Variants in TMTC2 observed in about 807,000 individuals in gnomAD.
TMTC2 encodes the protein protein O-mannosyl-transferase TMTC2.
Under a neutral mutation model 82.4 loss-of-function variants are expected in TMTC2, and 43 were observed. The ratio of observed to expected loss-of-function variants is 0.52; its 90% CI spans 0.41 to 0.67. The LOEUF is 0.67. Ranked by LOEUF, TMTC2 falls within the 30% of genes least tolerant of loss-of-function variation. The pLI, the probability that TMTC2 is intolerant of heterozygous loss-of-function variation, is 0.00. For missense variants in TMTC2, 919 were observed against 1,012.4 expected, an observed-to-expected ratio of 0.91 and a Z score of 1.25; for synonymous variants, 408 against 381.9, an observed-to-expected ratio of 1.07 and a Z score of -0.80.
chr12:83,091,154 CTTT>C (rs1883833559), intron 11 of TMTC2, among the ~76,000 whole-genome samples: 1 of 152,060 alleles, frequency 6.6e-6, no homozygotes, highest in African/African-American at 2.4e-5. Context: ...AAATCCCCTT[CTTT>C]AACTCCCTTT....
intron 1 of TMTC2, among the ~76,000 whole-genome samples, chr12:82,749,719 TTTTC>T (rs200184395): frequency 1.1e-3 from 157 of 141,140 alleles, no homozygotes; most frequent in African/African-American, 3.9e-3. Flanking sequence ...AACTGTTTGT[TTTTC>T]TTTCTTTCTT....
chr12:82,742,782 C>T (rs1048906556), intron 1 of TMTC2, among the ~76,000 whole-genome samples: 1 of 152,160 alleles, frequency 6.6e-6, no homozygotes, highest in African/African-American at 2.4e-5. Flanking sequence ...CCTCAGCCGC[C>T]CGAAGTGCTG....
chr12:82,963,104 G>A (rs980587009), intron 4 of TMTC2, among the ~76,000 whole-genome samples: 4 of 151,946 alleles, frequency 2.6e-5, no homozygotes, highest in African/African-American at 9.7e-5. Flanking sequence ...AATCTAAACA[G>A]GATTTAGGGG....
intron 4 of TMTC2, among the ~76,000 whole-genome samples, chr12:82,932,198 G>T (rs990500720): frequency 6.6e-6 from 1 of 152,162 alleles, no homozygotes; most frequent in Admixed American, 6.5e-5. Context: ...AGGGAAAGCA[G>T]ACAGGATGAG....
chr12:83,020,142 A>G (rs978699556), intron 8 of TMTC2, among the ~76,000 whole-genome samples: 1 of 152,186 alleles, frequency 6.6e-6, no homozygotes, highest in Admixed American at 6.5e-5. Flanking sequence ...CAACTGTTAT[A>G]GGTCAAATGG....
chr12:83,061,074 C>T (rs1438826299), intron 10 of TMTC2, among the ~76,000 whole-genome samples: 1 of 151,720 alleles, frequency 6.6e-6, no homozygotes, highest in African/African-American at 2.4e-5. Flanking sequence ...CAGTTCTTTA[C>T]AGGAAGAGTC....
intron 11 of TMTC2, among the ~76,000 whole-genome samples, chr12:83,117,494 A>T (rs1884799683): frequency 6.6e-6 from 1 of 152,148 alleles, no homozygotes; most frequent in Non-Finnish European, 1.5e-5. Flanking sequence ...TTATTGAGTT[A>T]TTCTGTTTCA....
chr12:82,703,653 C>T (rs929001002), intron 1 of TMTC2, among the ~76,000 whole-genome samples: 1 of 152,180 alleles, frequency 6.6e-6, no homozygotes, highest in African/African-American at 2.4e-5. Flanking sequence ...CGTCCGCCAC[C>T]GTGCCTAGCT....
At chr12:82,801,476 T>C (rs1878995807) in intron 1 of TMTC2, among the ~76,000 whole-genome samples, 1 of 152,162 alleles carries the variant, frequency 6.6e-6, no homozygotes, top group Non-Finnish European at 1.5e-5. Context: ...TTTATTCTTT[T>C]ATCTGGCCCC....
chr12:83,087,808 A>G (rs1468252379), intron 11 of TMTC2, among the ~76,000 whole-genome samples: 3 of 152,088 alleles, frequency 2.0e-5, no homozygotes, highest in Admixed American at 2.0e-4. Flanking sequence ...ATAGAGCACA[A>G]GAGGAGATTT....
Position 83,104,410 on chromosome 12 carries a change from T to G in TMTC2, c.2332-27800T>G, listed in dbSNP as rs114963856. Among the ~76,000 whole-genome samples the G allele has an allele frequency of 3.3e-3, 503 of 152,328 alleles. 2 individuals carry two copies. Among genetic ancestry groups the G allele is most frequent in the African/African-American group, 0.012 (480 of 41,590 alleles). Reference sequence around the variant, plus strand: ...AGGCTTCTCTCTGGGCACCCAGGCTTTCTCATACATCCACTGAAATCTAGG... The same window carrying G: ...AGGCTTCTCTCTGGGCACCCAGGCTGTCTCATACATCCACTGAAATCTAGG... On this transcript the variant is annotated intron_variant, in intron 11 of 11. Transcript: ENST00000321196.
At chr12:82,845,252 A>AATATATATATATATATATATATAT (rs1555190263) in intron 1 of TMTC2, among the ~76,000 whole-genome samples, 1 of 38,806 alleles carries the variant, frequency 2.6e-5, no homozygotes, top group African/African-American at 1.0e-4. Context: ...AAAAAAAAAA[A>AATATATATATATATATATATATAT]ATATATATAT....
intron 9 of TMTC2, among the ~76,000 whole-genome samples, chr12:83,042,179 T>G (rs1881919764): frequency 6.6e-6 from 1 of 152,194 alleles, no homozygotes; most frequent in Non-Finnish European, 1.5e-5. Flanking sequence ...GACCTGGAGC[T>G]CTCCTAGGAA....
intron 9 of TMTC2, among the ~76,000 whole-genome samples, chr12:83,036,120 G>A (rs751799821): frequency 6.6e-6 from 1 of 152,038 alleles, no homozygotes; most frequent in Non-Finnish European, 1.5e-5. Flanking sequence ...ATTGATAATG[G>A]TGACATAATT....
chr12:82,913,549 T>C (rs1161439092), intron 3 of TMTC2, among the ~76,000 whole-genome samples: 1 of 152,224 alleles, frequency 6.6e-6, no homozygotes, highest in Non-Finnish European at 1.5e-5. Flanking sequence ...GAATAGAATA[T>C]ATGGCTTTAT....
At chr12:82,992,239 C>T (rs1356481721) in intron 8 of TMTC2, among the ~76,000 whole-genome samples, 1 of 152,098 alleles carries the variant, frequency 6.6e-6, no homozygotes, top group Non-Finnish European at 1.5e-5. Context: ...GGGCCTTTTG[C>T]TATTATTATT....
At chr12:82,711,829 T>C (rs1873634010) in intron 1 of TMTC2, among the ~76,000 whole-genome samples, 1 of 152,196 alleles carries the variant, frequency 6.6e-6, no homozygotes, top group Admixed American at 6.5e-5. Flanking sequence ...ATCAGAAGAA[T>C]GGAAAGCTCA....
chr12:82,910,230 G>A (rs1874558318), intron 3 of TMTC2, among the ~76,000 whole-genome samples: 3 of 152,204 alleles, frequency 2.0e-5, no homozygotes, highest in Admixed American at 2.0e-4. Context: ...GAGGAAGTGT[G>A]AGCCGTATTT....
At chr12:83,119,832 C>T (rs1884891382) in intron 11 of TMTC2, among the ~76,000 whole-genome samples, 2 of 152,100 alleles carry the variant, frequency 1.3e-5, no homozygotes, top group African/African-American at 2.4e-5. Flanking sequence ...AGTGTAAGTG[C>T]ATATATGTTT....
Sources: allele counts gnomAD v4.1 joint callset (sites outside exome capture counted in the v4.1 genomes callset), GRCh38; gene constraint gnomAD v4.1.1; transcripts MANE v1.5; gene names NCBI Gene and HGNC (gene_info 2026-07-23, HGNC 2026-07-21).